The following GLG1 variants were observed in gnomAD, a reference collection of about 807,000 sequenced individuals.
GLG1 encodes the protein golgi glycoprotein 1, also known as Golgi apparatus protein 1.
Under a neutral mutation model 160.5 loss-of-function variants are expected in GLG1, and 38 were observed. The ratio of observed to expected loss-of-function variants is 0.24; its 90% CI spans 0.18 to 0.31. The LOEUF (loss-of-function observed/expected upper bound fraction) is 0.31. Ranked by LOEUF, GLG1 falls within the 10% of genes least tolerant of loss-of-function variation. The pLI, the probability that GLG1 is intolerant of heterozygous loss-of-function variation, is 1.00. For missense variants in GLG1, 1,373 were observed against 1,505.2 expected (o/e 0.91, Z 1.45); for synonymous variants, 644 against 543.4 (o/e 1.19, Z -2.57).
chr16:74,522,373 C>T (rs755280074), intron 2 of GLG1, among the ~76,000 whole-genome samples: 3 of 152,220 alleles, frequency 2.0e-5, no homozygotes, highest in Non-Finnish European at 4.4e-5. Context: ...TAACTATCAC[C>T]GTTGTTCCAC....
intron 8 of GLG1, among the ~76,000 whole-genome samples, chr16:74,490,060 C>G (rs1382700194): frequency 6.6e-6 from 1 of 152,190 alleles, no homozygotes; most frequent in African/African-American, 2.4e-5. Flanking sequence ...CAAGTTTCTA[C>G]TATTCTAGGA....
intron 4 of GLG1, among the ~76,000 whole-genome samples, chr16:74,501,254 G>T (rs540960671): frequency 1.1e-4 from 17 of 152,288 alleles, no homozygotes; most frequent in African/African-American, 4.1e-4. Context: ...GATATAGGAA[G>T]GAAGGTGTTT....
chr16:74,582,692 G>A (rs930834189), intron 1 of GLG1, among the ~76,000 whole-genome samples: 7 of 152,014 alleles, frequency 4.6e-5, no homozygotes, highest in Middle Eastern at 3.4e-3. Flanking sequence ...GGTGGCGGGC[G>A]CCTATAGTCC....
At chr16:74,455,937 T>C (rs1338662222) in intron 25 of GLG1, among the ~76,000 whole-genome samples, 3 of 152,214 alleles carry the variant, frequency 2.0e-5, no homozygotes, top group Admixed American at 6.5e-5. Flanking sequence ...AGAACTGTTA[T>C]TCTTCTCACT....
intron 3 of GLG1, among the ~76,000 whole-genome samples, chr16:74,506,369 G>A (rs1444629258): frequency 6.6e-6 from 1 of 151,382 alleles, no homozygotes; most frequent in Non-Finnish European, 1.5e-5. Flanking sequence ...ACGAGGTCAG[G>A]AGACTGAGAC....
chr16:74,585,715 A>C (rs1158060788), intron 1 of GLG1, among the ~76,000 whole-genome samples: 1 of 151,758 alleles, frequency 6.6e-6, no homozygotes, highest in Non-Finnish European at 1.5e-5. Context: ...GTCTCAAAAA[A>C]AAAAAAAAAA....
In GLG1 at chr16:74,541,456, G is replaced by T. The variant is rs144296500; in HGVS notation, c.439-9303C>A. Among the ~76,000 whole-genome samples the T allele has an allele frequency of 7.6e-3, 1,157 of 152,134 alleles. 14 individuals are homozygous for T. Among genetic ancestry groups the T allele is most frequent in the African/African-American group, 0.026 (1,083 of 41,500 alleles). On this transcript the variant is annotated intron_variant, in intron 1 of 25. Transcript: ENST00000422840. ...AGGCAAAATGGAAACAAGAATTCTG[G>T]AATAACAGCCAAAGACTTGGGTTTT...
At chr16:74,593,430 CTTTTTT>C (rs11342633) in intron 1 of GLG1, among the ~76,000 whole-genome samples, 3 of 96,414 alleles carry the variant, frequency 3.1e-5, no homozygotes, top group Non-Finnish European at 4.1e-5. Context: ...AGTACCAGAG[CTTTTTT>C]TTTTTTTTTT....
rs1197213437 is a variant in GLG1 at position 74,450,213 on chromosome 16, A to C, written c.*2954T>G. On this transcript the variant is annotated 3_prime_UTR_variant, in exon 26 of 26. Transcript: ENST00000422840. ...TATTACTGTTGGTGGGCTACACATC[A>C]GGAGAGTAGACACAGGCCAGAGTCC... 1 of 152,258 alleles carries C rather than the reference A, an allele frequency of 6.6e-6. No individual in the cohort carries two copies. The highest frequency in any genetic ancestry group is 1.5e-5 in the Non-Finnish European group (1 of 68,068). The allele number at this position is 152,258 out of a possible 1,614,324, so 9.4% of individuals were successfully genotyped here. A position where few individuals can be genotyped will look rare whatever the true frequency, so the allele number is the denominator to read the frequency against.
At chr16:74,559,289 A>G (rs959174071) in intron 1 of GLG1, among the ~76,000 whole-genome samples, 2 of 152,070 alleles carry the variant, frequency 1.3e-5, no homozygotes, top group African/African-American at 4.8e-5. Flanking sequence ...TAAAAAAAAA[A>G]AAACTTAGCT....
chr16:74,498,447 A>AAATATATATATAT (rs1491293119), intron 4 of GLG1, among the ~76,000 whole-genome samples: 3 of 8,200 alleles, frequency 3.7e-4, no homozygotes, highest in East Asian at 9.4e-3. Context: ...AAAAAAAAAA[A>AAATATATATATAT]GTATATATAT....
At chr16:74,561,340 T>C (rs572033650) in intron 1 of GLG1, among the ~76,000 whole-genome samples, 17 of 152,360 alleles carry the variant, frequency 1.1e-4, no homozygotes, top group South Asian at 6.2e-4. Context: ...AATTGCTTTA[T>C]ACGGATGCAT....
intron 5 of GLG1, among the ~76,000 whole-genome samples, chr16:74,496,233 A>G (rs2143409447): frequency 6.6e-6 from 1 of 152,022 alleles, no homozygotes; most frequent in Non-Finnish European, 1.5e-5. Flanking sequence ...ACACCACTGC[A>G]CTCCAGCCTG....
At chr16:74,497,533 G>A (rs2016241746) in intron 4 of GLG1, among the ~76,000 whole-genome samples, 1 of 150,502 alleles carries the variant, frequency 6.6e-6, no homozygotes. Context: ...CCACTCCCGG[G>A]TTCACTCTAT....
At chr16:74,460,483 A>G (rs1328261450) in intron 22 of GLG1, among the ~76,000 whole-genome samples, 1 of 152,202 alleles carries the variant, frequency 6.6e-6, no homozygotes, top group Non-Finnish European at 1.5e-5. Context: ...AAAGCAGATG[A>G]GTCCGGTGAT....
chr16:74,456,622 A>T lies in GLG1; in HGVS notation c.3372+27T>A. 2.1e-6 allele frequency: 3 copies of T among 1,448,942 alleles called. No individual in the cohort carries two copies. The South Asian group carries it at 3.5e-5, about 17-fold the overall frequency. The allele number at this position is 1,448,942 out of a possible 1,614,324, so 89.8% of individuals were successfully genotyped here. A position where few individuals can be genotyped will look rare whatever the true frequency, so the allele number is the denominator to read the frequency against. ...GTGTTCCATATTTTTTTGTTTTTTTAAAAAAGGAGATTCTCTTGGTCATTA... is the reference window on the plus strand; with the variant it reads ...GTGTTCCATATTTTTTTGTTTTTTTTAAAAAGGAGATTCTCTTGGTCATTA... On this transcript the variant is annotated intron_variant, in intron 25 of 25. Coordinates refer to ENST00000422840, the MANE Select transcript of GLG1 (RefSeq NM_001145667.2).
At chr16:74,570,139 T>G (rs1350348112) in intron 1 of GLG1, among the ~76,000 whole-genome samples, 1 of 152,192 alleles carries the variant, frequency 6.6e-6, no homozygotes, top group Non-Finnish European at 1.5e-5. Flanking sequence ...ATTTTTATAT[T>G]AATAAAAATC....
At position 74,606,849 on chromosome 16, in the gene GLG1, T is replaced by TTGCTGCTGC; in HGVS notation, c.245_246insGCAGCAGCA (p.Gln82_Gln84dup). 1 of 1,598,568 alleles carries TTGCTGCTGC rather than the reference T, an allele frequency of 6.3e-7. No homozygotes were observed. Among genetic ancestry groups the TTGCTGCTGC allele is most frequent in the Non-Finnish European group, 8.5e-7 (1 of 1,173,474 alleles). ...GCGGCTGCGGCGGCTGAGGCTGCTG[T>TTGCTGCTGC]TGCTGTTGCTGCTGCTGCTGTTGCT... On this transcript the variant is annotated inframe_insertion, in exon 1 of 26. Transcript: ENST00000422840.
chr16:74,598,747 G>A (rs1958366481), intron 1 of GLG1, among the ~76,000 whole-genome samples: 1 of 151,448 alleles, frequency 6.6e-6, no homozygotes, highest in African/African-American at 2.4e-5. Flanking sequence ...AGCCGGGTGT[G>A]CTGGCAAGTG....
Sources: gnomAD v4.1 joint callset for allele counts (sites outside exome capture counted in the v4.1 genomes callset) on GRCh38, gnomAD v4.1.1 for gene constraint, MANE v1.5 for transcripts, NCBI Gene and HGNC (gene_info 2026-07-23, HGNC 2026-07-21) for gene names.